The following CACNA1I variants were observed in gnomAD, a reference collection of about 807,000 sequenced individuals.
CACNA1I encodes voltage-dependent T-type calcium channel subunit alpha-1I.
CACNA1I carries 74 observed loss-of-function variants against 201.6 expected under a neutral mutation model. That is an observed-to-expected ratio of 0.37 (90% confidence interval 0.30 to 0.45). The LOEUF is 0.45. Ranked by LOEUF, CACNA1I falls within the 20% of genes least tolerant of loss-of-function variation. The probability of loss-of-function intolerance (pLI) is 1.00; values close to 1 mark genes in which losing one functional copy is unlikely to be tolerated. For synonymous variants in CACNA1I, 1,431 were observed against 1,345.2 expected, an observed-to-expected ratio of 1.06 and a Z score of -1.40; for missense variants, 2,346 against 3,138.1, an observed-to-expected ratio of 0.75 and a Z score of 6.03.
At chr22:39,653,144 A>G (rs136844) in intron 10 of CACNA1I, among the ~76,000 whole-genome samples, 40,154 of 80,420 alleles carry the variant, frequency 0.5, 11,030 homozygotes, top group East Asian at 0.98. Context: ...CCCCCCACAC[A>G]GTGGCTAAGA....
intron 32 of CACNA1I, 37 bp downstream of exon 32, chr22:39,679,482 G>T (rs1474021563): frequency 1.5e-6 from 2 of 1,345,394 alleles, no homozygotes; most frequent in South Asian, 1.6e-5. Flanking sequence ...GGTCGCCAGA[G>T]GGGGGGCACC....
At chr22:39,641,250 C>G (rs1240867182) in intron 6 of CACNA1I, 68 bp downstream of exon 6, 1 of 1,358,060 alleles carries the variant, frequency 7.4e-7, no homozygotes, top group African/African-American at 1.4e-5. Context: ...GGGCAGGGCT[C>G]TGTGCTAGGC....
intron 4 of CACNA1I, among the ~76,000 whole-genome samples, chr22:39,622,273 C>G (rs136806): frequency 1.3e-5 from 2 of 151,064 alleles, no homozygotes; most frequent in Non-Finnish European, 2.9e-5. Context: ...GCTCCTGTGC[C>G]GGGCATGAGG....
intron 1 of CACNA1I, among the ~76,000 whole-genome samples, chr22:39,574,662 C>G (rs1569042816): frequency 1.3e-5 from 2 of 152,146 alleles, no homozygotes; most frequent in African/African-American, 4.8e-5. Context: ...CTTGCATATT[C>G]AATAGTAGTA....
chr22:39,590,112 G>A (rs1376675838), intron 1 of CACNA1I, among the ~76,000 whole-genome samples: 2 of 152,142 alleles, frequency 1.3e-5, no homozygotes, highest in Non-Finnish European at 1.5e-5. Context: ...GGGCCTGCCC[G>A]GGCGCCGGGC....
chr22:39,573,607 A>G (rs1318040687), intron 1 of CACNA1I, among the ~76,000 whole-genome samples: 1 of 152,070 alleles, frequency 6.6e-6, no homozygotes, highest in African/African-American at 2.4e-5. Context: ...CACACACGCC[A>G]TGGGGGCTGC....
intron 3 of CACNA1I, among the ~76,000 whole-genome samples, chr22:39,605,461 G>C (rs767769714): frequency 6.6e-6 from 1 of 152,140 alleles, no homozygotes; most frequent in Non-Finnish European, 1.5e-5. Flanking sequence ...GGCTCCCACC[G>C]GATGGTACCA....
Position 39,570,830 on chromosome 22 carries a change from C to A in CACNA1I, c.78C>A (p.Pro26=), listed in dbSNP as rs375830956. The change falls in exon 1 of 37, where the codon CCC becomes CCA. Residue 26 remains proline (P), a synonymous_variant. Transcript: ENST00000402142. ...AAEPGVTTEQ[P]GPRSPPSSPP... Reference sequence around the variant, plus strand: ...AGCCAGGAGTCACCACGGAGCAGCCCGGACCCCGGAGCCCCCCATCCTCCC... The same window carrying A: ...AGCCAGGAGTCACCACGGAGCAGCCAGGACCCCGGAGCCCCCCATCCTCCC... The A allele has an allele frequency of 9.3e-6, 15 of 1,613,444 alleles. No individual in the cohort carries two copies. Among genetic ancestry groups the A allele is most frequent in the Non-Finnish European group, 1.1e-5 (13 of 1,179,742 alleles).
Position 39,687,873 on chromosome 22 carries a change from G to A in CACNA1I, c.*1468G>A, listed in dbSNP as rs546288491. On this transcript the variant is annotated 3_prime_UTR_variant, in exon 37 of 37. Transcript: ENST00000402142. ...TTCATGAAGTCAGTTTGAAGAAGGA[G>A]GTTGGGAGCATGTTGGTGGCAGTGA... 4.2e-4 allele frequency: 64 copies of A among 152,394 alleles called. No homozygotes were observed. Among genetic ancestry groups the A allele is most frequent in the African/African-American group, 1.4e-3 (59 of 41,568 alleles). The allele number at this position is 152,394 out of a possible 1,614,324, so 9.4% of individuals were successfully genotyped here. A position where few individuals can be genotyped will look rare whatever the true frequency, so the allele number is the denominator to read the frequency against.
intron 18 of CACNA1I, 43 bp from the exon 19 acceptor site, chr22:39,663,675 G>T: frequency 1.2e-6 from 2 of 1,610,378 alleles, no homozygotes; most frequent in Non-Finnish European, 1.7e-6. Context: ...GGCCAGGGTG[G>T]GAGGCAGCTG....
intron 1 of CACNA1I, among the ~76,000 whole-genome samples, chr22:39,583,379 TCCATC>T (rs1932645191): frequency 6.7e-6 from 1 of 150,312 alleles, no homozygotes; most frequent in Non-Finnish European, 1.5e-5. Flanking sequence ...CATCCATCCA[TCCATC>T]CATCCATCCA....
intron 17 of CACNA1I, 123 bp from the exon 18 acceptor site, chr22:39,662,653 G>C (rs1442526277): frequency 2.6e-6 from 2 of 758,798 alleles, no homozygotes; most frequent in Admixed American, 4.4e-5. Context: ...CTCCCTGGCT[G>C]CCCCCGGGGG....
intron 1 of CACNA1I, among the ~76,000 whole-genome samples, chr22:39,597,666 C>G (rs1932921820): frequency 1.3e-5 from 2 of 152,222 alleles, no homozygotes; most frequent in Admixed American, 1.3e-4. Flanking sequence ...GAGAGAAGGA[C>G]GGGGCCATCC....
intron 10 of CACNA1I, among the ~76,000 whole-genome samples, chr22:39,656,225 A>AT (rs368698953): frequency 0.025 from 3,780 of 149,472 alleles, 170 homozygotes; most frequent in African/African-American, 0.088. Flanking sequence ...TTGGGTTGTT[A>AT]TTTTTTTTTT....
intron 27 of CACNA1I, 34 bp downstream of exon 27, chr22:39,672,342 GGTA>G: frequency 1.5e-6 from 2 of 1,371,976 alleles, no homozygotes; most frequent in Non-Finnish European, 2.1e-6. Context: ...GCAGTAATAG[GGTA>G]GACTGCAGGA....
At chr22:39,644,949 A>C (rs2146424260) in intron 7 of CACNA1I, among the ~76,000 whole-genome samples, 1 of 151,776 alleles carries the variant, frequency 6.6e-6, no homozygotes, top group African/African-American at 2.4e-5. Flanking sequence ...TGGCTTCCCA[A>C]AGCACTGGGA....
Position 39,570,973 on chromosome 22 carries a change from A to G in CACNA1I, c.221A>G (p.Lys74Arg), listed in dbSNP as rs1443550174. Residue 74 changes from lysine to arginine, a missense_variant, in exon 1 of 37, where the codon AAG becomes AGG. Physicochemically the swap from Lys to Arg is conservative, Grantham distance 26. Transcript: ENST00000402142. ...QTTSPRNWCI[K>R]MVCNPWFECV... ...ACCAGCCCCCGGAACTGGTGCATCA[A>G]GATGGTGTGCAACCCATATCCTCCG... is the stretch of plus-strand genomic sequence containing the variant. The G allele has an allele frequency of 4.3e-6, 7 of 1,613,724 alleles. No homozygotes were observed. Among genetic ancestry groups the G allele is most frequent in the Non-Finnish European group, 5.9e-6 (7 of 1,179,784 alleles).
At chr22:39,613,941 G>A (rs545416173) in intron 3 of CACNA1I, among the ~76,000 whole-genome samples, 6 of 152,288 alleles carry the variant, frequency 3.9e-5, no homozygotes, top group East Asian at 3.9e-4. Flanking sequence ...GGGTTCAAGC[G>A]ATTCTCTTCC....
rs1444316440 is a variant in CACNA1I at position 39,624,501 on chromosome 22, T to C, written c.580+5094T>C. ...GTCGGCTTCCCGCCCCTGAGCCTGA[T>C]TCCGCTTCTCAGAGGACAGCCTGGT... is the stretch of plus-strand genomic sequence containing the variant. On this transcript the variant is annotated intron_variant, in intron 4 of 36. Transcript: ENST00000402142. Among the ~76,000 whole-genome samples the C allele has an allele frequency of 2.0e-5, 3 of 152,178 alleles. No homozygotes were observed. The East Asian group carries it at 5.8e-4, about 29-fold the overall frequency.
Sources: gnomAD v4.1 joint callset for allele counts (sites outside exome capture counted in the v4.1 genomes callset) on GRCh38, gnomAD v4.1.1 for gene constraint, MANE v1.5 for transcripts, NCBI Gene and HGNC (gene_info 2026-07-23, HGNC 2026-07-21) for gene names.